Variants in UGT1A7 observed in about 807,000 individuals in gnomAD.
The protein encoded by UGT1A7 is UDP glucuronosyltransferase family 1 member A7.
UGT1A7 carries 33 observed loss-of-function variants against 45.6 expected under a neutral mutation model. The observed-to-expected ratio is 0.72, with a 90% CI of 0.55 to 0.97. UGT1A7 has a LOEUF of 0.97. Ranked by LOEUF, UGT1A7 falls within the 50% of genes least tolerant of loss-of-function variation. The pLI is 0.00. For synonymous variants in UGT1A7, 274 were observed against 250.6 expected, an observed-to-expected ratio of 1.09 and a Z score of -0.88; for missense variants, 684 against 666.2, an observed-to-expected ratio of 1.03 and a Z score of -0.29.
intron 1 of UGT1A7, among the ~76,000 whole-genome samples, chr2:233,686,527 A>T (rs1171865612): frequency 2.0e-5 from 3 of 152,114 alleles, no homozygotes; most frequent in Non-Finnish European, 2.9e-5. Flanking sequence ...CCTGCGTTAG[A>T]ACCTAACCTT....
At chr2:233,762,023 TA>T (rs1176936322) in intron 1 of UGT1A7, among the ~76,000 whole-genome samples, 2 of 152,334 alleles carry the variant, frequency 1.3e-5, no homozygotes, top group Non-Finnish European at 2.9e-5. Flanking sequence ...ATTTGTATTT[TA>T]TTTTTTTTAA....
intron 1 of UGT1A7, among the ~76,000 whole-genome samples, chr2:233,750,317 C>A (rs543565956): frequency 1.3e-5 from 2 of 151,994 alleles, no homozygotes; most frequent in South Asian, 4.1e-4. Flanking sequence ...ATCTGTGGAA[C>A]TTTGAACTTC....
intron 1 of UGT1A7, chr2:233,760,371 G>C (rs995864584): frequency 6.2e-7 from 1 of 1,614,040 alleles, no homozygotes. Flanking sequence ...CCCATGCTGG[G>C]AAGATACTGT....
At chr2:233,730,577 T>C (rs1559376049) in intron 1 of UGT1A7, among the ~76,000 whole-genome samples, 1 of 152,254 alleles carries the variant, frequency 6.6e-6, no homozygotes, top group East Asian at 1.9e-4. Context: ...AAGTTCAGTT[T>C]CCAGACAGGG....
chr2:233,748,205 G>A, intron 1 of UGT1A7: 1 of 1,514,056 alleles, frequency 6.6e-7, no homozygotes. Context: ...TGTCGTAATA[G>A]CCTTCAGTGA....
intron 4 of UGT1A7, chr2:233,771,323 A>G (rs112105474): frequency 2.6e-5 from 4 of 151,390 alleles, no homozygotes; most frequent in Admixed American, 6.6e-5. Flanking sequence ...CTCCTCTTCA[A>G]TCTCCTCTTC....
At chr2:233,747,752 A>C in intron 1 of UGT1A7, 1 of 1,613,466 alleles carries the variant, frequency 6.2e-7, no homozygotes, top group Non-Finnish European at 8.5e-7. Context: ...CATGTGATTT[A>C]GACTTTAAGG....
At chr2:233,707,169 T>A (rs1186198629) in intron 1 of UGT1A7, among the ~76,000 whole-genome samples, 1 of 152,126 alleles carries the variant, frequency 6.6e-6, no homozygotes, top group East Asian at 1.9e-4. Flanking sequence ...CACCCAGACA[T>A]CCATCCTGGG....
intron 1 of UGT1A7, chr2:233,743,248 A>G (rs1692247141): frequency 2.3e-6 from 1 of 432,126 alleles, no homozygotes; most frequent in Non-Finnish European, 4.4e-6. Flanking sequence ...ACTTTAACTC[A>G]ACTCTCCATC....
At chr2:233,761,212 G>T in intron 1 of UGT1A7, 1 of 1,613,674 alleles carries the variant, frequency 6.2e-7, no homozygotes, top group Non-Finnish European at 8.5e-7. Flanking sequence ...ACTTTGGATC[G>T]ATTAACTAGC....
rs1364557158 is a variant in UGT1A7, at chr2:233,695,130, C to CTTTCTTTTTTTTTT, written c.855+12341_855+12342insCTTTTTTTTTTTTT. Among the ~76,000 whole-genome samples the CTTTCTTTTTTTTTT allele has an allele frequency of 1.2e-4, 17 of 138,832 alleles. 1 individual carries two copies. Among genetic ancestry groups the CTTTCTTTTTTTTTT allele is most frequent in the African/African-American group, 3.3e-4 (12 of 36,788 alleles). 91.1% of individuals were successfully genotyped at this position (138,832 alleles called of 152,430 possible). On this transcript the variant is annotated intron_variant, in intron 1 of 4. Transcript: ENST00000373426. ...GCCCATTAACCAACCCTTTTCTTTT[C>CTTTCTTTTTTTTTT]TTTTTTTTTTTTTTGAGACAGAGTC...
intron 1 of UGT1A7, chr2:233,755,267 T>C (rs1315366268): frequency 1.1e-5 from 8 of 759,504 alleles, no homozygotes; most frequent in East Asian, 5.3e-5. Flanking sequence ...AGTAGTCCAC[T>C]ATGCTGGACT....
intron 1 of UGT1A7, among the ~76,000 whole-genome samples, chr2:233,715,165 C>T (rs971455001): frequency 3.9e-5 from 6 of 152,048 alleles, no homozygotes; most frequent in East Asian, 1.9e-4. Flanking sequence ...GAATTACAGG[C>T]GCGAGCCACC....
At chr2:233,753,902 T>C (rs1695339006) in intron 1 of UGT1A7, among the ~76,000 whole-genome samples, 1 of 152,224 alleles carries the variant, frequency 6.6e-6, no homozygotes, top group African/African-American at 2.4e-5. Context: ...AACATGCTTC[T>C]TACACCGATT....
Position 233,745,112 on chromosome 2 carries a change from G to A in UGT1A7, c.856-21922G>A, listed in dbSNP as rs1457181143. Among the ~76,000 whole-genome samples the A allele has an allele frequency of 3.3e-5, 5 of 151,730 alleles. No individual in the cohort carries two copies. In the South Asian group the frequency reaches 8.3e-4, roughly 25 times the overall value. On this transcript the variant is annotated intron_variant, in intron 1 of 4. Coordinates refer to ENST00000373426, the MANE Select transcript of UGT1A7 (RefSeq NM_019077.3). ...TCCCCCCAAATATTTTTAATCTGCT[G>A]TTGGCTGAATCTGCAGATGTGAAGC...
chr2:233,707,812 G>A lies in UGT1A7; in HGVS notation c.855+25020G>A, dbSNP rs998296659. On this transcript the variant is annotated intron_variant, in intron 1 of 4. Transcript: ENST00000373426. ...GGGTGGAGCTGCTGCGTTGGAGGGC[G>A]TGCATATCATTAATTTAATAAGATG... Among the ~76,000 whole-genome samples, 10 of 152,234 alleles carry A rather than the reference G, an allele frequency of 6.6e-5. No homozygotes were observed. In the Middle Eastern group the frequency reaches 0.01, roughly 155 times the overall value.
At chr2:233,767,621 C>T (rs149525417) in intron 2 of UGT1A7, among the ~76,000 whole-genome samples, 1 of 152,276 alleles carries the variant, frequency 6.6e-6, no homozygotes, top group African/African-American at 2.4e-5. Flanking sequence ...AAGTGCACAG[C>T]TTGATAAATT....
At chr2:233,768,145 T>C in intron 3 of UGT1A7, 75 bp from the exon 4 acceptor site, 1 of 1,611,332 alleles carries the variant, frequency 6.2e-7, no homozygotes, top group Non-Finnish European at 8.5e-7. Flanking sequence ...TTTGGAGTGT[T>C]TTCAGAACCT....
intron 1 of UGT1A7, among the ~76,000 whole-genome samples, chr2:233,745,945 G>C (rs1693257711): frequency 6.6e-6 from 1 of 151,628 alleles, no homozygotes; most frequent in Non-Finnish European, 1.5e-5. Context: ...CTGGGGGTTG[G>C]GCAACTGGGG....
Sources: gnomAD v4.1 joint callset for allele counts (sites outside exome capture counted in the v4.1 genomes callset) on GRCh38, gnomAD v4.1.1 for gene constraint, MANE v1.5 for transcripts, NCBI Gene and HGNC (gene_info 2026-07-23, HGNC 2026-07-21) for gene names.